The following KIAA1328 variants were observed in gnomAD, a reference collection of about 807,000 sequenced individuals.
The protein encoded by KIAA1328 is KIAA1328.
A neutral mutation model predicts 68.1 loss-of-function variants in KIAA1328; 52 were observed. That is an observed-to-expected ratio of 0.76 (90% confidence interval 0.61 to 0.96). KIAA1328 has a LOEUF of 0.96. Among genes scored for constraint, KIAA1328 ranks in the 40% least tolerant of loss-of-function variants. KIAA1328 has a pLI of 0.00. For synonymous variants in KIAA1328, 232 were observed against 239.4 expected, an observed-to-expected ratio of 0.97 and a Z score of 0.28; for missense variants, 641 against 677.6, an observed-to-expected ratio of 0.95 and a Z score of 0.60.
At chr18:36,877,668 T>C (rs1262517727) in intron 4 of KIAA1328, among the ~76,000 whole-genome samples, 1 of 144,986 alleles carries the variant, frequency 6.9e-6, no homozygotes, top group South Asian at 2.3e-4. Flanking sequence ...TGTGTCTTTT[T>C]TTTTTTTTTT....
chr18:36,994,707 T>C (rs1367509812), intron 6 of KIAA1328, among the ~76,000 whole-genome samples: 1 of 152,220 alleles, frequency 6.6e-6, no homozygotes, highest in East Asian at 1.9e-4. Flanking sequence ...CTGCTTATTT[T>C]AGCTTATACA....
intron 6 of KIAA1328, among the ~76,000 whole-genome samples, chr18:37,022,890 A>G (rs1464222290): frequency 2.0e-5 from 3 of 152,196 alleles, no homozygotes; most frequent in African/African-American, 7.2e-5. Context: ...TGGCTTTAGG[A>G]TAGAGTTTCC....
intron 8 of KIAA1328, 109 bp downstream of exon 8, chr18:37,160,490 T>C: frequency 1.0e-6 from 1 of 969,216 alleles, no homozygotes; most frequent in Non-Finnish European, 1.5e-6. Context: ...GTTAAATGTT[T>C]ACACACTGAA....
intron 5 of KIAA1328, among the ~76,000 whole-genome samples, chr18:36,951,035 G>T (rs2151227300): frequency 6.6e-6 from 1 of 152,342 alleles, no homozygotes; most frequent in Admixed American, 6.5e-5. Flanking sequence ...ACTGGACACA[G>T]TCGACTTCAT....
At chr18:37,000,845 GA>G (rs1316586342) in intron 6 of KIAA1328, among the ~76,000 whole-genome samples, 1 of 151,932 alleles carries the variant, frequency 6.6e-6, no homozygotes, top group Non-Finnish European at 1.5e-5. Context: ...TGAAACAAAA[GA>G]AAATGGAAAA....
At chr18:37,168,256 C>T (rs1228057413) in intron 8 of KIAA1328, among the ~76,000 whole-genome samples, 1 of 152,188 alleles carries the variant, frequency 6.6e-6, no homozygotes, top group Non-Finnish European at 1.5e-5. Flanking sequence ...GAAGAATACA[C>T]ATGAAAAGTT....
At chr18:36,918,418 T>C (rs1488277839) in intron 5 of KIAA1328, among the ~76,000 whole-genome samples, 1 of 149,750 alleles carries the variant, frequency 6.7e-6, no homozygotes, top group Non-Finnish European at 1.5e-5. Flanking sequence ...TAAGCCTTTT[T>C]TTTTTTTTTT....
At chr18:36,850,293 A>G (rs2047170106) in intron 4 of KIAA1328, among the ~76,000 whole-genome samples, 1 of 152,026 alleles carries the variant, frequency 6.6e-6, no homozygotes, top group African/African-American at 2.4e-5. Context: ...GTTCATTGCT[A>G]GTGTAGAGGA....
chr18:37,215,822 C>T (rs748157754), intron 9 of KIAA1328, among the ~76,000 whole-genome samples: 35 of 152,310 alleles, frequency 2.3e-4, no homozygotes, highest in African/African-American at 8.4e-4. Context: ...GCCTCAATTT[C>T]TGAGCCTGTT....
intron 5 of KIAA1328, among the ~76,000 whole-genome samples, chr18:36,928,452 G>A (rs967557863): frequency 6.6e-6 from 1 of 151,156 alleles, no homozygotes; most frequent in African/African-American, 2.4e-5. Flanking sequence ...CTGGGTTTTC[G>A]TGACACTTAG....
chr18:36,919,144 A>G (rs1173911964), intron 5 of KIAA1328, among the ~76,000 whole-genome samples: 1 of 152,192 alleles, frequency 6.6e-6, no homozygotes, highest in South Asian at 2.1e-4. Flanking sequence ...TATTATACAT[A>G]TATGATCTAT....
At chr18:37,015,526 A>G (rs561421500) in intron 6 of KIAA1328, among the ~76,000 whole-genome samples, 86 of 152,030 alleles carry the variant, frequency 5.7e-4, no homozygotes, top group Non-Finnish European at 9.3e-4. Flanking sequence ...TTTTTTTCCA[A>G]TTATGTGAAA....
intron 1 of KIAA1328, among the ~76,000 whole-genome samples, chr18:36,831,728 T>A (rs2046498894): frequency 6.6e-6 from 1 of 152,194 alleles, no homozygotes; most frequent in Non-Finnish European, 1.5e-5. Context: ...TCTCTGTGGT[T>A]GATAATAATT....
intron 7 of KIAA1328, among the ~76,000 whole-genome samples, chr18:37,151,474 T>G (rs1403484546): frequency 6.6e-6 from 1 of 152,200 alleles, no homozygotes; most frequent in Non-Finnish European, 1.5e-5. Context: ...AGTGACAGTC[T>G]TTGTTATTCT....
intron 7 of KIAA1328, among the ~76,000 whole-genome samples, chr18:37,076,316 T>C (rs1366205642): frequency 6.6e-6 from 1 of 152,124 alleles, no homozygotes; most frequent in South Asian, 2.1e-4. Context: ...CCAGAATCTC[T>C]GGGACACATT....
At chr18:36,953,373 TATAGATAGATAGATAGATAGATAG>T (rs10617798) in intron 5 of KIAA1328, among the ~76,000 whole-genome samples, 4,439 of 140,704 alleles carry the variant, frequency 0.032, 243 homozygotes, top group African/African-American at 0.11. Flanking sequence ...TGCCAACAAC[TATAGATAGATAGATAGATAGATAG>T]ATAGATAGAT....
At chr18:37,194,449 A>C (rs1314716817) in intron 9 of KIAA1328, among the ~76,000 whole-genome samples, 1 of 152,194 alleles carries the variant, frequency 6.6e-6, no homozygotes, top group Non-Finnish European at 1.5e-5. Context: ...TGCTTGTTAC[A>C]TATGAAGAAA....
chr18:37,226,590 T>G (rs185102100), downstream of KIAA1328, among the ~76,000 whole-genome samples: 22 of 152,322 alleles, frequency 1.4e-4, no homozygotes, highest in East Asian at 4.2e-3. Context: ...GCATAACGTT[T>G]TCAAGGTTCA....
chr18:36,992,133 A>G (rs2053203014), intron 6 of KIAA1328, among the ~76,000 whole-genome samples: 1 of 152,138 alleles, frequency 6.6e-6, no homozygotes, highest in Non-Finnish European at 1.5e-5. Flanking sequence ...GTGATTTGTA[A>G]AAGTTCTTCG....
Sources: gnomAD v4.1 joint callset for allele counts (sites outside exome capture counted in the v4.1 genomes callset) on GRCh38, gnomAD v4.1.1 for gene constraint, MANE v1.5 for transcripts, NCBI Gene and HGNC (gene_info 2026-07-23, HGNC 2026-07-21) for gene names.